The following RDX variants were observed in gnomAD, a reference collection of about 807,000 sequenced individuals.
RDX encodes the protein deafness, autosomal recessive 24.
A neutral mutation model predicts 83.7 loss-of-function variants in RDX; 32 were observed. That is an observed-to-expected ratio of 0.38 (90% confidence interval 0.29 to 0.51). The LOEUF is 0.51. Among genes scored for constraint, RDX ranks in the 20% least tolerant of loss-of-function variants. The probability of loss-of-function intolerance (pLI) is 0.87; values close to 1 mark genes in which losing one functional copy is unlikely to be tolerated. For synonymous variants in RDX, 229 were observed against 222.7 expected (o/e 1.03, Z -0.25); for missense variants, 600 against 689.9 (o/e 0.87, Z 1.46).
intron 12 of RDX, among the ~76,000 whole-genome samples, chr11:110,234,214 T>C (rs1258338525): frequency 6.6e-6 from 1 of 152,188 alleles, no homozygotes; most frequent in Non-Finnish European, 1.5e-5. Context: ...TCAAAGGAAA[T>C]ACTGGAGTTA....
rs576730267 is a variant in RDX, at chr11:110,285,303, C to T, written c.-64-5547G>A. Among the ~76,000 whole-genome samples, 544 of 152,108 alleles carry T rather than the reference C, an allele frequency of 3.6e-3. 3 individuals carry two copies. Among genetic ancestry groups the T allele is most frequent in the Non-Finnish European group, 5.3e-3 (361 of 67,998 alleles). On this transcript the variant is annotated intron_variant, in intron 1 of 13. Coordinates refer to ENST00000645495, the MANE Select transcript of RDX (RefSeq NM_002906.4). Reference sequence around the variant, plus strand: ...GGGAGGCTGAGATAGCAGAATTGCACGAACCTGGGAGGCAGGGGCTGCAGT... The same window carrying T: ...GGGAGGCTGAGATAGCAGAATTGCATGAACCTGGGAGGCAGGGGCTGCAGT...
At chr11:110,229,199 A>G (rs1181928819), downstream of RDX, among the ~76,000 whole-genome samples, 1 of 152,014 alleles carries the variant, frequency 6.6e-6, no homozygotes, top group African/African-American at 2.4e-5. Context: ...AATGACTGGA[A>G]ACCCTAAATT....
chr11:110,270,456 GA>G (rs1419160848), intron 3 of RDX, among the ~76,000 whole-genome samples: 1 of 152,006 alleles, frequency 6.6e-6, no homozygotes, highest in African/African-American at 2.4e-5. Flanking sequence ...GTCACTGATC[GA>G]AATGTCATTA....
chr11:110,248,607 G>A (rs960679510), intron 9 of RDX, among the ~76,000 whole-genome samples: 2 of 152,070 alleles, frequency 1.3e-5, no homozygotes, highest in African/African-American at 4.8e-5. Flanking sequence ...TTTAATGGGG[G>A]AAAAATCAGA....
intron 15 of RDX, among the ~76,000 whole-genome samples, chr11:110,197,597 C>T (rs1344887903): frequency 6.6e-6 from 1 of 152,174 alleles, no homozygotes; most frequent in East Asian, 1.9e-4. Context: ...AAAGGATTTG[C>T]TCTAAAAAGA....
At chr11:110,216,541 CTT>C (rs11432416) in intron 14 of RDX, among the ~76,000 whole-genome samples, 17 of 136,640 alleles carry the variant, frequency 1.2e-4, no homozygotes, top group Non-Finnish European at 1.6e-4. Flanking sequence ...AATTTTTTTT[CTT>C]TTTTTTTTTT....
intron 2 of RDX, among the ~76,000 whole-genome samples, chr11:110,274,875 A>G (rs894352303): frequency 1.3e-5 from 2 of 152,234 alleles, no homozygotes; most frequent in Admixed American, 6.5e-5. Context: ...CAATACTGCT[A>G]TGAACATTCT....
intron 14 of RDX, among the ~76,000 whole-genome samples, chr11:110,205,349 C>T (rs982506791): frequency 1.4e-5 from 2 of 141,808 alleles, no homozygotes; most frequent in Non-Finnish European, 3.0e-5. Context: ...AAACAAGACA[C>T]ACACAAGAAA....
intron 14 of RDX, among the ~76,000 whole-genome samples, chr11:110,217,482 T>C (rs1309727639): frequency 6.6e-6 from 1 of 152,186 alleles, no homozygotes; most frequent in Non-Finnish European, 1.5e-5. Context: ...CCAGAAGTCC[T>C]TAGCAGCTCC....
chr11:110,209,948 A>C (rs1336188836), intron 14 of RDX, among the ~76,000 whole-genome samples: 14 of 148,382 alleles, frequency 9.4e-5, no homozygotes, highest in Admixed American at 3.4e-4. Flanking sequence ...CCTCCAAAGG[A>C]ACGCAGTTCC....
intron 1 of RDX, among the ~76,000 whole-genome samples, chr11:110,285,531 T>G (rs1253822431): frequency 6.6e-6 from 1 of 151,940 alleles, no homozygotes; most frequent in East Asian, 1.9e-4. Context: ...CTGGGCAACA[T>G]GGAGAAACCC....
chr11:110,288,830 T>C, intron 1 of RDX, among the ~76,000 whole-genome samples: 1 of 152,252 alleles, frequency 6.6e-6, no homozygotes, highest in East Asian at 1.9e-4. Flanking sequence ...GTTTTAATTT[T>C]TCTGTTGATT....
chr11:110,258,622 A>T (rs533041795), intron 5 of RDX, among the ~76,000 whole-genome samples: 5 of 152,266 alleles, frequency 3.3e-5, no homozygotes, highest in Non-Finnish European at 5.9e-5. Context: ...AGTTCAAAGG[A>T]ATAAAACATT....
intron 3 of RDX, among the ~76,000 whole-genome samples, chr11:110,268,309 G>A (rs770707723): frequency 1.8e-3 from 261 of 143,308 alleles, no homozygotes; most frequent in Middle Eastern, 0.011. Flanking sequence ...ACTCTGTTTC[G>A]GGGAAAAAAA....
At position 110,231,790 on chromosome 11, in the gene RDX, T is replaced by A; in HGVS notation, c.*79A>T. On this transcript the variant is annotated 3_prime_UTR_variant, in exon 14 of 14. Transcript: ENST00000645495. ...AAGTGCTTTGGCAAGGTGGGATGCA[T>A]TCCATCATATCTGCAAAGGCCTGCT... 6.6e-7 allele frequency: 1 copy of A among 1,520,274 alleles called. No individual in the cohort carries two copies. The allele number at this position is 1,520,274 out of a possible 1,614,324, so 94.2% of individuals were successfully genotyped here. A position where few individuals can be genotyped will look rare whatever the true frequency, so the allele number is the denominator to read the frequency against.
intron 1 of RDX, among the ~76,000 whole-genome samples, chr11:110,281,060 G>A (rs182046263): frequency 2.6e-5 from 4 of 152,014 alleles, no homozygotes; most frequent in African/African-American, 7.2e-5. Context: ...AGCTACTCAG[G>A]AGGCTGAGGC....
chr11:110,284,758 C>T (rs1860912431), intron 1 of RDX, among the ~76,000 whole-genome samples: 1 of 151,900 alleles, frequency 6.6e-6, no homozygotes, highest in South Asian at 2.1e-4. Flanking sequence ...CTCCTGACCT[C>T]GTGATCCACC....
intron 1 of RDX, among the ~76,000 whole-genome samples, chr11:110,284,083 T>C (rs1860878122): frequency 6.6e-6 from 1 of 152,132 alleles, no homozygotes; most frequent in African/African-American, 2.4e-5. Context: ...GCAAAATAAA[T>C]ATTAATTACG....
At chr11:110,227,754 C>T (rs530270894), downstream of RDX, among the ~76,000 whole-genome samples, 7 of 152,144 alleles carry the variant, frequency 4.6e-5, no homozygotes, top group Non-Finnish European at 8.8e-5. Context: ...GGCTAAATGA[C>T]GACCATTAAA....
Sources: gnomAD v4.1 joint callset for allele counts (sites outside exome capture counted in the v4.1 genomes callset) on GRCh38, gnomAD v4.1.1 for gene constraint, MANE v1.5 for transcripts, NCBI Gene and HGNC (gene_info 2026-07-23, HGNC 2026-07-21) for gene names.